Variants in C6orf132 observed in about 807,000 individuals in gnomAD.
The protein encoded by C6orf132 is uncharacterized protein C6orf132.
Under a neutral mutation model 65.3 loss-of-function variants are expected in C6orf132, and 43 were observed. That is an observed-to-expected ratio of 0.66 (90% CI 0.52 to 0.85). C6orf132 has a LOEUF of 0.85. C6orf132 is among the 40% of genes least tolerant of loss of function. C6orf132 has a pLI of 0.00. For missense variants in C6orf132, 1,488 were observed against 1,548.8 expected (o/e 0.96, Z 0.66); for synonymous variants, 631 against 654.1 (o/e 0.96, Z 0.54).
intron 2 of C6orf132, among the ~76,000 whole-genome samples, chr6:42,122,244 C>A (rs55920178): frequency 0.14 from 20,867 of 150,164 alleles, 1,809 homozygotes; most frequent in African/African-American, 0.23. Context: ...GGTATTATGG[C>A]GGGCCCAGGT....
chr6:42,106,063 T>G lies in C6orf132; in HGVS notation c.1849A>C (p.Asn617His), dbSNP rs957047475. 6.5e-7 allele frequency: 1 copy of G among 1,537,078 alleles called. No individual in the cohort carries two copies. The highest frequency in any genetic ancestry group is 1.4e-5 in the African/African-American group (1 of 73,022). Residue 617 changes from asparagine (N) to histidine (H), a missense_variant, in exon 4 of 5, where the codon AAT becomes CAT. By Grantham distance (68) the Asn-to-His change is moderately conservative. Coordinates refer to ENST00000341865, the MANE Select transcript of C6orf132 (RefSeq NM_001164446.3). ...DDKLSKPVAK[N>H]LPPQSTTLLP... ...AGGGTGGTGGATTGAGGTGGCAGAT[T>G]CTTGGCCACAGGCTTGGAGAGTTTG...
intron 2 of C6orf132, among the ~76,000 whole-genome samples, chr6:42,127,473 A>C (rs1582281108): frequency 1.3e-5 from 2 of 152,212 alleles, no homozygotes; most frequent in East Asian, 3.9e-4. Context: ...GCAGAAAAAA[A>C]CCGGTGATGG....
intron 2 of C6orf132, among the ~76,000 whole-genome samples, chr6:42,117,293 A>G (rs1019749651): frequency 6.6e-6 from 1 of 152,170 alleles, no homozygotes; most frequent in African/African-American, 2.4e-5. Context: ...ACCCTAAGAG[A>G]CAAGTTATTA....
rs1462098105 is a variant in C6orf132 at position 42,105,905 on chromosome 6, T to A, written c.2007A>T (p.Pro669=). 6.5e-7 allele frequency: 1 copy of A among 1,537,076 alleles called. No homozygotes were observed. Among genetic ancestry groups the A allele is most frequent in the East Asian group, 2.4e-5 (1 of 40,910 alleles). ...PATPPKATLG[P]ATPLKATSGP... is the part of the protein sequence containing the mutation. ...CAGATGTGGCCTTGAGTGGTGTGGC[T>A]GGCCCAAGTGTGGCCTTGGGTGGTG... Residue 669 remains proline (P), a synonymous_variant, in exon 4 of 5, where the codon CCA becomes CCT. Transcript: ENST00000341865.
intron 1 of C6orf132, among the ~76,000 whole-genome samples, chr6:42,136,007 GA>G (rs780539657): frequency 6.6e-6 from 1 of 152,068 alleles, no homozygotes; most frequent in Non-Finnish European, 1.5e-5. Context: ...AATGAGACTT[GA>G]AAGTTGGTAA....
In C6orf132 at chr6:42,104,861, G is replaced by C; in HGVS notation, c.3051C>G (p.Tyr1017Ter). The change falls in exon 4 of 5, where the codon TAC becomes TAG. Residue 1017 changes from tyrosine (Y) to a stop codon, truncating the protein, a stop_gained. Coordinates refer to ENST00000341865, the MANE Select transcript of C6orf132 (RefSeq NM_001164446.3). LOFTEE classifies it high-confidence loss of function. This position sits in a 1 kb window ranked among gnomAD's most constrained non-coding sequence, Gnocchi z 4.1. Reference sequence around the variant, plus strand: ...CGTTCGGGAGCTGCCTCAAGTCTGAGTAGTTGTTCCGGGGAGGGGAGCTCT... The same window carrying C: ...CGTTCGGGAGCTGCCTCAAGTCTGACTAGTTGTTCCGGGGAGGGGAGCTCT... ...GRQSSPPRNN[Y>*]SDLRQLPNAG... 1 of 1,452,102 alleles carries C rather than the reference G, an allele frequency of 6.9e-7. No homozygotes were observed. Among genetic ancestry groups the C allele is most frequent in the Non-Finnish European group, 9.0e-7 (1 of 1,107,446 alleles). 90.0% of individuals were successfully genotyped at this position (1,452,102 alleles called of 1,614,324 possible).
At chr6:42,131,929 A>G (rs76433064) in intron 1 of C6orf132, among the ~76,000 whole-genome samples, 9,825 of 152,244 alleles carry the variant, frequency 0.065, 407 homozygotes, top group Middle Eastern at 0.12. Context: ...ATCGGATTTG[A>G]TTTCCCAGTC....
intron 2 of C6orf132, among the ~76,000 whole-genome samples, chr6:42,121,170 C>T (rs1366402059): frequency 1.3e-5 from 2 of 152,162 alleles, no homozygotes; most frequent in African/African-American, 4.8e-5. Context: ...CTTAAGAGGT[C>T]CTGCAGAGTA....
At position 42,105,962 on chromosome 6, in the gene C6orf132, G is replaced by T. The variant is rs1476416137; in HGVS notation, c.1950C>A (p.Ala650=). The T allele has an allele frequency of 4.6e-6, 7 of 1,537,192 alleles. No individual in the cohort carries two copies. Among genetic ancestry groups the T allele is most frequent in the South Asian group, 2.4e-5 (2 of 84,064 alleles). ...GCCAAAGTGTAGCCTTGGGTGGTAT[G>T]GCTGGCTCAGGTGTGGCCTTGGGTG... is the stretch of plus-strand genomic sequence containing the variant. ...AIPPKATPEP[A]IPPKATLWPA... Residue 650 remains alanine (A), a synonymous_variant, in exon 4 of 5, where the codon GCC becomes GCA. Transcript: ENST00000341865.
At chr6:42,110,540 C>T (rs9471766) in intron 2 of C6orf132, among the ~76,000 whole-genome samples, 14,262 of 152,226 alleles carry the variant, frequency 0.094, 855 homozygotes, top group Non-Finnish European at 0.13. Flanking sequence ...TTAGTAAATA[C>T]TGACCCGTTG....
Position 42,124,472 on chromosome 6 carries a change from G to A in C6orf132, c.252+4200C>T, listed in dbSNP as rs575629504. Among the ~76,000 whole-genome samples the A allele has an allele frequency of 5.9e-5, 9 of 152,270 alleles. No individual in the cohort carries two copies. The highest frequency in any genetic ancestry group is 5.2e-4 in the Admixed American group (8 of 15,300). On this transcript the variant is annotated intron_variant, in intron 2 of 4. Transcript: ENST00000341865. The surrounding 1 kb of genome is among the most constrained non-coding windows in gnomAD (Gnocchi z 4.0). ...GCCTGGAGAGAGCTCACAGGCCCTC[G>A]AGGGGCCTGTCACCTGACTTCTTGG...
rs1766599618 is a variant in C6orf132 at position 42,117,419 on chromosome 6, C to T, written c.253-7128G>A. Among the ~76,000 whole-genome samples, 4 of 152,110 alleles carry T rather than the reference C, an allele frequency of 2.6e-5. No homozygotes were observed. The South Asian group carries it at 8.3e-4, about 32-fold the overall frequency. ...GGACCTGACAGCCTGCTTCCTTTGC[C>T]AGTACAGTGTTTGCTCTCATACTTT... On this transcript the variant is annotated intron_variant, in intron 2 of 4. Transcript: ENST00000341865.
chr6:42,123,415 G>T (rs892173318), intron 2 of C6orf132, among the ~76,000 whole-genome samples: 8 of 143,170 alleles, frequency 5.6e-5, no homozygotes, highest in African/African-American at 7.9e-5. Context: ...AGAAGAAGAA[G>T]AAAGAAGAAA....
In C6orf132 at chr6:42,123,338, G is replaced by A. The variant is rs540149425; in HGVS notation, c.252+5334C>T. Among the ~76,000 whole-genome samples, 8 of 150,860 alleles carry A rather than the reference G, an allele frequency of 5.3e-5. No homozygotes were observed. In the East Asian group the frequency reaches 1.6e-3, roughly 30 times the overall value. On this transcript the variant is annotated intron_variant, in intron 2 of 4. Transcript: ENST00000341865. ...GCGGAGCCTGCAGTGAGCCGAGATC[G>A]CACCACTGCACTCCAGCCTGGGTGA...
At chr6:42,121,405 C>T (rs1326044772) in intron 2 of C6orf132, among the ~76,000 whole-genome samples, 2 of 152,230 alleles carry the variant, frequency 1.3e-5, no homozygotes, top group Non-Finnish European at 2.9e-5. Context: ...AGAAAACACT[C>T]GCTATTCAAG....
At chr6:42,126,573 AGCTCAC>A (rs1425333526) in intron 2 of C6orf132, 31 of 195,560 alleles carry the variant, frequency 1.6e-4, no homozygotes, top group Admixed American at 9.7e-4. Context: ...TGGGCGCGGT[AGCTCAC>A]GCCTGTAATC....
chr6:42,109,119 G>C (rs1766458711), intron 3 of C6orf132, among the ~76,000 whole-genome samples: 1 of 152,134 alleles, frequency 6.6e-6, no homozygotes, highest in South Asian at 2.1e-4. Flanking sequence ...AGCAGGGGAG[G>C]GGTGCAGCAG....
At chr6:42,137,352 T>G (rs1299483705) in intron 1 of C6orf132, among the ~76,000 whole-genome samples, 1 of 152,150 alleles carries the variant, frequency 6.6e-6, no homozygotes, top group African/African-American at 2.4e-5. Context: ...ATGTGTGCAC[T>G]GGACTGCCGG....
intron 2 of C6orf132, among the ~76,000 whole-genome samples, chr6:42,128,148 G>C (rs1025825667): frequency 2.7e-5 from 4 of 148,746 alleles, no homozygotes; most frequent in African/African-American, 7.4e-5. Flanking sequence ...GGATGGTCTC[G>C]ATCTCCTGAC....
Sources: gnomAD v4.1 joint callset for allele counts (sites outside exome capture counted in the v4.1 genomes callset) on GRCh38, gnomAD v4.1.1 for gene constraint, Gnocchi (gnomAD v3.1) non-coding constraint, MANE v1.5 for transcripts, NCBI Gene and HGNC (gene_info 2026-07-23, HGNC 2026-07-21) for gene names.